MUC17: variants seen among roughly 807,000 people sequenced by gnomAD.
MUC17 encodes the protein mucin 17, cell surface associated.
MUC17 carries 190 observed loss-of-function variants against 170.3 expected under a neutral mutation model. That is an observed-to-expected ratio of 1.12 (90% CI 0.99 to 1.26). The LOEUF (loss-of-function observed/expected upper bound fraction) is 1.26. Among genes scored for constraint, MUC17 ranks in the 50% most tolerant of loss-of-function variants. MUC17 has a pLI of 0.00. For synonymous variants in MUC17, 2,325 were observed against 2,002.5 expected (o/e 1.16, Z -4.30); for missense variants, 6,415 against 5,530.0 (o/e 1.16, Z -5.08).
rs1428451775 is a variant in MUC17 at position 101,051,362 on chromosome 7, C to T, written c.12875-251C>T. ...CCTGGGTGACAGAGCAATACTCCAT[C>T]TCAAAAAAAAAAAAAAAAAAAAAAA... On this transcript the variant is annotated intron_variant, in intron 7 of 12. Coordinates refer to ENST00000306151, the MANE Select transcript of MUC17 (RefSeq NM_001040105.2). Among the ~76,000 whole-genome samples, 4 of 57,794 alleles carry T rather than the reference C, an allele frequency of 6.9e-5. No homozygotes were observed. The Admixed American group carries it at 7.0e-4, about 10-fold the overall frequency. The allele number at this position is 57,794 out of a possible 152,430, so 37.9% of individuals were successfully genotyped here.
Position 101,035,407 on chromosome 7 carries a change from A to C in MUC17, c.3991A>C (p.Thr1331Pro), listed in dbSNP as rs1286191068. Residue 1331 changes from threonine to proline, a missense_variant, in exon 3 of 13, where the codon ACT (threonine) becomes CCT (proline). By Grantham distance (38) the Thr-to-Pro change is conservative. Transcript: ENST00000306151. ...PAEGTSMPTSTYSEGRTPLTS... is the reference protein window; with the variant it reads ...PAEGTSMPTSPYSEGRTPLTS... ...TGAAGGTACCAGCATGCCAACCTCAACTTATAGTGAAGGAAGAACTCCTTT... is the reference window on the plus strand; with the variant it reads ...TGAAGGTACCAGCATGCCAACCTCACCTTATAGTGAAGGAAGAACTCCTTT... 6.2e-7 allele frequency: 1 copy of C among 1,606,974 alleles called. No homozygotes were observed. The highest frequency in any genetic ancestry group is 8.5e-7 in the Non-Finnish European group (1 of 1,175,340).
chr7:101,024,769 G>A (rs1380793298), intron 1 of MUC17, among the ~76,000 whole-genome samples: 2 of 129,726 alleles, frequency 1.5e-5, no homozygotes, highest in African/African-American at 6.2e-5. Context: ...CTGAGATGGC[G>A]CCTTGCCCTG....
At chr7:101,022,433 C>G (rs1185164690) in intron 1 of MUC17, among the ~76,000 whole-genome samples, 1 of 152,214 alleles carries the variant, frequency 6.6e-6, no homozygotes, top group African/African-American at 2.4e-5. Context: ...TCCCAAAGTG[C>G]TGGGATTACA....
chr7:101,043,755 C>T lies in MUC17; in HGVS notation c.12339C>T (p.Val4113=). ...TSFPTVTTTA[V]PTNTTIKSNP... ...TCCCCACGGTGACCACCACCGCTGT[C>T]CCCACGAATACTACAATTAAGAGCA... is the stretch of plus-strand genomic sequence containing the variant. Residue 4113 remains valine, a synonymous_variant, in exon 3 of 13, where the codon GTC becomes GTT. Transcript: ENST00000306151. 1 of 1,614,142 alleles carries T rather than the reference C, an allele frequency of 6.2e-7. No individual in the cohort carries two copies. Among genetic ancestry groups the T allele is most frequent in the Non-Finnish European group, 8.5e-7 (1 of 1,179,998 alleles).
chr7:101,035,069 G>T lies in MUC17; in HGVS notation c.3653G>T (p.Ser1218Ile). The change falls in exon 3 of 13, where the codon AGC becomes ATC. Residue 1218 changes from serine (S) to isoleucine (I), a missense_variant. Coordinates refer to ENST00000306151, the MANE Select transcript of MUC17 (RefSeq NM_001040105.2). ...SMPTSTPGERSTPLTSMPVRH... is the reference protein window; with the variant it reads ...SMPTSTPGERITPLTSMPVRH... Reference sequence around the variant, plus strand: ...CCAACCTCAACTCCTGGAGAAAGAAGCACTCCATTAACAAGTATGCCTGTC... The same window carrying T: ...CCAACCTCAACTCCTGGAGAAAGAATCACTCCATTAACAAGTATGCCTGTC... 6.2e-7 allele frequency: 1 copy of T among 1,612,834 alleles called. No individual in the cohort carries two copies. The highest frequency in any genetic ancestry group is 8.5e-7 in the Non-Finnish European group (1 of 1,179,388).
At position 101,037,252 on chromosome 7, in the gene MUC17, C is replaced by T. The variant is rs777525358; in HGVS notation, c.5836C>T (p.Leu1946Phe). The T allele has an allele frequency of 3.4e-5, 54 of 1,610,770 alleles. No individual in the cohort carries two copies. In the Middle Eastern group the frequency reaches 4.9e-4, roughly 15 times the overall value. ...TTVASSEINT[L>F]STTLADTRTP... Reference sequence around the variant, plus strand: ...AGTGGCCAGTTCTGAAATCAACACCCTTTCAACAACTCTTGCTGACACCAG... The same window carrying T: ...AGTGGCCAGTTCTGAAATCAACACCTTTTCAACAACTCTTGCTGACACCAG... The change falls in exon 3 of 13, where the codon CTT (leucine) becomes TTT (phenylalanine). Residue 1946 changes from leucine to phenylalanine, a missense_variant. Physicochemically the swap from Leu to Phe is conservative, Grantham distance 22. Coordinates refer to ENST00000306151, the MANE Select transcript of MUC17 (RefSeq NM_001040105.2).
In MUC17 at chr7:101,038,360, A is replaced by G. The variant is rs1408317036; in HGVS notation, c.6944A>G (p.Glu2315Gly). The change falls in exon 3 of 13, where the codon GAA becomes GGA. Residue 2315 changes from glutamate (E) to glycine (G), a missense_variant. Physicochemically the swap from Glu to Gly is moderately conservative, Grantham distance 98. Coordinates refer to ENST00000306151, the MANE Select transcript of MUC17 (RefSeq NM_001040105.2). ...DSNTPFTTST[E>G]ASSPPPTAEG... ...AACACTCCTTTCACTACTTCTACTG[A>G]AGCCAGTTCACCTCCTCCCACTGCT... The G allele has an allele frequency of 1.2e-6, 2 of 1,613,586 alleles. No individual in the cohort carries two copies. The highest frequency in any genetic ancestry group is 2.2e-5 in the South Asian group (2 of 91,062).
intron 1 of MUC17, among the ~76,000 whole-genome samples, chr7:101,027,777 T>C (rs1307143164): frequency 6.6e-6 from 1 of 152,092 alleles, no homozygotes; most frequent in African/African-American, 2.4e-5. Context: ...AAAAAAAAAT[T>C]TCTTTTTTTT....
Position 101,050,635 on chromosome 7 carries a change from G to A in MUC17, c.12874G>A (p.Asp4292Asn), listed in dbSNP as rs201239220. The change falls in exon 7 of 13, where the codon GAC becomes AAC. Residue 4292 changes from aspartate to asparagine, a missense_variant and splice_region_variant. Transcript: ENST00000306151. ...AATAATGATTAATGATATTTGCTCA[G>A]GTGAACTCTGGGCTTCCAGGGAGGG... Reference protein sequence around the residue: ...QQIMINDICSDMMCFNTTGTQ... With the variant: ...QQIMINDICSNMMCFNTTGTQ... 1.9e-5 allele frequency: 30 copies of A among 1,612,866 alleles called. No individual in the cohort carries two copies. The highest frequency in any genetic ancestry group is 3.3e-5 in the Admixed American group (2 of 59,900).
At chr7:101,024,738 C>CTTTTTTTTT (rs35811119) in intron 1 of MUC17, among the ~76,000 whole-genome samples, 21 of 125,450 alleles carry the variant, frequency 1.7e-4, no homozygotes, top group African/African-American at 2.5e-4. Flanking sequence ...CTGTCTCCTC[C>CTTTTTTTTT]TTTTTTTTTT....
At position 101,033,673 on chromosome 7, in the gene MUC17, C is replaced by A. The variant is rs762011699; in HGVS notation, c.2257C>A (p.Pro753Thr). Residue 753 changes from proline to threonine, a missense_variant, in exon 3 of 13, where the codon CCT becomes ACT. By Grantham distance (38) the Pro-to-Thr change is conservative. Transcript: ENST00000306151. ...SEGSTPLTSM[P>T]VSKTLLTSSE... ...AGGAAGCACTCCATTAACAAGTATG[C>A]CTGTCAGCAAAACGCTGTTGACCAG... is the stretch of plus-strand genomic sequence containing the variant. 10 of 1,612,946 alleles carry A rather than the reference C, an allele frequency of 6.2e-6. No homozygotes were observed. The African/African-American group carries it at 1.3e-4, about 22-fold the overall frequency.
rs1305645151 is a variant in MUC17, at chr7:101,035,017, C to T, written c.3601C>T (p.Pro1201Ser). ...VATSTEASSP[P>S]PTAEVTSMPT... ...CACTTCTACTGAAGCCAGTTCACCT[C>T]CTCCAACTGCTGAAGTTACCAGCAT... The change falls in exon 3 of 13, where the codon CCT (proline) becomes TCT (serine). Residue 1201 changes from proline (P) to serine (S), a missense_variant. Pro to Ser is a moderately conservative substitution (Grantham distance 74). Coordinates refer to ENST00000306151, the MANE Select transcript of MUC17 (RefSeq NM_001040105.2). 3.1e-6 allele frequency: 5 copies of T among 1,613,780 alleles called. No homozygotes were observed. Among genetic ancestry groups the T allele is most frequent in the Non-Finnish European group, 4.2e-6 (5 of 1,179,892 alleles).
At chr7:101,026,636 G>A (rs986850181) in intron 1 of MUC17, among the ~76,000 whole-genome samples, 1 of 152,172 alleles carries the variant, frequency 6.6e-6, no homozygotes, top group African/African-American at 2.4e-5. Flanking sequence ...CCAGGCTGGA[G>A]TGCGGTGGTG....
chr7:101,041,904 T>C lies in MUC17; in HGVS notation c.10488T>C (p.Asn3496=). The part of the protein sequence containing the change: ...STPVTTSSPT[N]SSPTTAEVTS... ...CTGTGACCACTTCTTCTCCAACCAATTCATCTCCTACAACTGCTGAAGTTA... is the reference window on the plus strand; with the variant it reads ...CTGTGACCACTTCTTCTCCAACCAACTCATCTCCTACAACTGCTGAAGTTA... Residue 3496 remains asparagine (N), a synonymous_variant, in exon 3 of 13, where the codon AAT becomes AAC. Transcript: ENST00000306151. 6.2e-7 allele frequency: 1 copy of C among 1,613,394 alleles called. No homozygotes were observed. Among genetic ancestry groups the C allele is most frequent in the Non-Finnish European group, 8.5e-7 (1 of 1,179,960 alleles).
rs1044967677 is a variant in MUC17 at position 101,037,208 on chromosome 7, T to C, written c.5792T>C (p.Ile1931Thr). The change falls in exon 3 of 13, where the codon ATA (isoleucine) becomes ACA (threonine). Residue 1931 changes from isoleucine to threonine, a missense_variant. Coordinates refer to ENST00000306151, the MANE Select transcript of MUC17 (RefSeq NM_001040105.2). ...GAAGGAAGGCCTCCATTAACAAGTA[T>C]ACCTGTCAGCACCACAACAGTGGCC... is the stretch of plus-strand genomic sequence containing the variant. ...PREGRPPLTS[I>T]PVSTTTVASS... The C allele has an allele frequency of 6.2e-7, 1 of 1,612,842 alleles. No homozygotes were observed. Among genetic ancestry groups the C allele is most frequent in the Non-Finnish European group, 8.5e-7 (1 of 1,179,358 alleles).
intron 1 of MUC17, among the ~76,000 whole-genome samples, chr7:101,026,526 C>G (rs1794181830): frequency 6.6e-6 from 1 of 152,196 alleles, no homozygotes; most frequent in Non-Finnish European, 1.5e-5. Context: ...CTAGACGAAA[C>G]TGGTTACATA....
chr7:101,049,003 A>G (rs372577029), intron 5 of MUC17, 31 bp downstream of exon 5: 5 of 1,613,736 alleles, frequency 3.1e-6, no homozygotes, highest in Non-Finnish European at 4.2e-6. Context: ...CCCCATAGCT[A>G]CTCAGTTCCC....
chr7:101,055,433 AG>A (rs1011995055), intron 11 of MUC17, among the ~76,000 whole-genome samples: 32 of 152,334 alleles, frequency 2.1e-4, no homozygotes, highest in African/African-American at 7.2e-4. Context: ...AAGAATTACT[AG>A]GTATAAAAAT....
chr7:101,033,031 AG>A lies in MUC17; in HGVS notation c.1616del (p.Ser539ThrfsTer4). On this transcript the variant is annotated frameshift_variant, in exon 3 of 13. Coordinates refer to ENST00000306151, the MANE Select transcript of MUC17 (RefSeq NM_001040105.2). LOFTEE classifies it high-confidence loss of function. ...CCTTTCAACAACTCCTGTTGACACC[AG>A]CACACCTGTGACCACTTCTAGTGAA... ...STLSTTPVDT[S>X]TPVTTSSEAS... is the part of the protein sequence containing the mutation. 1 of 1,613,864 alleles carries A rather than the reference AG, an allele frequency of 6.2e-7. No individual in the cohort carries two copies. The highest frequency in any genetic ancestry group is 1.7e-5 in the Admixed American group (1 of 59,954).
Sources: allele counts gnomAD v4.1 joint callset (sites outside exome capture counted in the v4.1 genomes callset), GRCh38; gene constraint gnomAD v4.1.1; transcripts MANE v1.5; gene names NCBI Gene and HGNC (gene_info 2026-07-23, HGNC 2026-07-21).